The following GALNT13 variants were observed in gnomAD, a reference collection of about 807,000 sequenced individuals.
GALNT13 encodes the protein polypeptide N-acetylgalactosaminyltransferase 13, also known as UDP-GalNAc:polypeptide N-acetylgalactosaminyltransferase 13.
GALNT13 carries 28 observed loss-of-function variants against 64.2 expected under a neutral mutation model. The observed-to-expected ratio is 0.44, with a 90% CI of 0.32 to 0.60. The LOEUF (loss-of-function observed/expected upper bound fraction) is 0.60, where lower values mean the gene tolerates loss of function less well. Ranked by LOEUF, GALNT13 falls within the 20% of genes least tolerant of loss-of-function variation. The pLI is 0.05. For synonymous variants in GALNT13, 214 were observed against 224.6 expected (o/e 0.95, Z 0.42); for missense variants, 577 against 669.8 (o/e 0.86, Z 1.53).
the GALNT13 span, among the ~76,000 whole-genome samples, chr2:153,742,565 C>T: frequency 1.3e-5 from 2 of 152,022 alleles, no homozygotes; most frequent in African/African-American, 4.8e-5. Context: ...ATTTTTAAAC[C>T]CTGACTCCCC....
intron 4 of GALNT13, among the ~76,000 whole-genome samples, chr2:154,229,135 G>GA (rs996341084): frequency 2.5e-4 from 38 of 149,282 alleles, no homozygotes; most frequent in South Asian, 1.1e-3. Flanking sequence ...CCAAAAAAAA[G>GA]AAAAAAAAAT....
the GALNT13 span, among the ~76,000 whole-genome samples, chr2:153,249,417 G>A: frequency 1.3e-5 from 2 of 152,316 alleles, no homozygotes; most frequent in South Asian, 4.1e-4. Context: ...CTCATTGATA[G>A]AAAGAATCAA....
At chr2:154,455,036 A>G (rs748237634), downstream of GALNT13, among the ~76,000 whole-genome samples, 65 of 152,298 alleles carry the variant, frequency 4.3e-4, 1 homozygote, top group Admixed American at 8.5e-4. Context: ...GGAGCTCTGT[A>G]AACTCTGGTA....
At chr2:153,603,717 T>C in the GALNT13 span, among the ~76,000 whole-genome samples, 1 of 151,988 alleles carries the variant, frequency 6.6e-6, no homozygotes, top group Non-Finnish European at 1.5e-5. Context: ...AAATTCTCCT[T>C]TAGGGTATCA....
chr2:153,453,214 G>A, the GALNT13 span, among the ~76,000 whole-genome samples: 1 of 152,154 alleles, frequency 6.6e-6, no homozygotes, highest in South Asian at 2.1e-4. Context: ...CCTTGGGAAG[G>A]AATTTATGAC....
At chr2:154,142,867 T>G (rs1043570211) in intron 4 of GALNT13, among the ~76,000 whole-genome samples, 6 of 151,980 alleles carry the variant, frequency 3.9e-5, no homozygotes, top group African/African-American at 1.5e-4. Context: ...TGTTTGTATA[T>G]AGATACATTT....
intron 4 of GALNT13, among the ~76,000 whole-genome samples, chr2:154,239,428 T>G (rs184896107): frequency 9.2e-5 from 14 of 152,232 alleles, no homozygotes; most frequent in African/African-American, 2.9e-4. Flanking sequence ...TTGAGGAGGA[T>G]GATGATCTTT....
the GALNT13 span, among the ~76,000 whole-genome samples, chr2:153,604,452 T>C: frequency 6.6e-6 from 1 of 152,062 alleles, no homozygotes; most frequent in African/African-American, 2.4e-5. Context: ...TCACTGCAAC[T>C]GATAATTTGG....
Position 154,005,714 on chromosome 2 carries a change from AT to A in GALNT13, c.142+61085del, listed in dbSNP as rs146046415. Among the ~76,000 whole-genome samples, 97 of 150,316 alleles carry A rather than the reference AT, an allele frequency of 6.5e-4. 1 individual carries two copies. Among genetic ancestry groups the A allele is most frequent in the Admixed American group, 2.0e-3 (30 of 15,028 alleles). On this transcript the variant is annotated intron_variant, in intron 3 of 12. Transcript: ENST00000392825. ...AAATGTTACTTAAATACTTCGATTT[AT>A]TTTTTTTTTGTGGTTAAAATAAAAA...
the GALNT13 span, among the ~76,000 whole-genome samples, chr2:153,074,663 G>C: frequency 0.19 from 28,695 of 152,058 alleles, 3,058 homozygotes; most frequent in African/African-American, 0.28. Context: ...ATTTTGCATG[G>C]TGTCCATCAT....
chr2:153,554,946 G>A, the GALNT13 span, among the ~76,000 whole-genome samples: 7 of 152,032 alleles, frequency 4.6e-5, no homozygotes, highest in African/African-American at 1.7e-4. Context: ...AACTCTGTTA[G>A]AGCAGGTAGA....
At chr2:154,126,515 G>T (rs545337626) in intron 3 of GALNT13, among the ~76,000 whole-genome samples, 3 of 151,782 alleles carry the variant, frequency 2.0e-5, no homozygotes, top group Non-Finnish European at 4.4e-5. Context: ...GGCGCCGGTA[G>T]TCCCAGCCAC....
At chr2:153,771,261 C>T in the GALNT13 span, among the ~76,000 whole-genome samples, 1 of 152,094 alleles carries the variant, frequency 6.6e-6, no homozygotes, top group South Asian at 2.1e-4. Flanking sequence ...AGGGAAGGAG[C>T]AGAGAAACTG....
At chr2:153,506,671 A>G in the GALNT13 span, among the ~76,000 whole-genome samples, 1 of 152,212 alleles carries the variant, frequency 6.6e-6, no homozygotes, top group Admixed American at 6.5e-5. Context: ...TAGGACCCCA[A>G]TCCCTTCTAG....
At chr2:153,730,888 C>T in the GALNT13 span, among the ~76,000 whole-genome samples, 1 of 151,862 alleles carries the variant, frequency 6.6e-6, no homozygotes, top group Non-Finnish European at 1.5e-5. Context: ...AGTCAAAAGA[C>T]AACAGATGTT....
chr2:153,732,516 A>G, the GALNT13 span, among the ~76,000 whole-genome samples: 1 of 152,170 alleles, frequency 6.6e-6, no homozygotes, highest in African/African-American at 2.4e-5. Flanking sequence ...TTGTACTGTA[A>G]TATAACAATG....
At chr2:154,236,641 T>C (rs1028686404) in intron 4 of GALNT13, among the ~76,000 whole-genome samples, 3 of 152,132 alleles carry the variant, frequency 2.0e-5, no homozygotes, top group African/African-American at 7.2e-5. Flanking sequence ...GGACATCAAA[T>C]ATTCCTTTCA....
chr2:154,445,578 ATTATT>A (rs1196623851), intron 12 of GALNT13, among the ~76,000 whole-genome samples: 2 of 151,962 alleles, frequency 1.3e-5, no homozygotes, highest in Non-Finnish European at 2.9e-5. Flanking sequence ...AGTTAACAAT[ATTATT>A]TATAGTTACA....
At chr2:154,165,181 T>C (rs1684957984) in intron 4 of GALNT13, among the ~76,000 whole-genome samples, 1 of 152,134 alleles carries the variant, frequency 6.6e-6, no homozygotes, top group Admixed American at 6.6e-5. Flanking sequence ...AAAATATTTC[T>C]CTAAAGAATA....
Sources: gnomAD v4.1 joint callset for allele counts (sites outside exome capture counted in the v4.1 genomes callset) on GRCh38, gnomAD v4.1.1 for gene constraint, MANE v1.5 for transcripts, NCBI Gene and HGNC (gene_info 2026-07-23, HGNC 2026-07-21) for gene names.